The following TECRL variants were observed in gnomAD, a reference collection of about 807,000 sequenced individuals.
TECRL encodes the protein trans-2,3-enoyl-CoA reductase-like.
In TECRL, 63 loss-of-function variants were observed where a neutral mutation model predicts 52.8. That is an observed-to-expected ratio of 1.19 (90% CI 0.97 to 1.47). The LOEUF (loss-of-function observed/expected upper bound fraction) is 1.47, where lower values mean the gene tolerates loss of function less well. Among genes scored for constraint, TECRL ranks in the 40% most tolerant of loss-of-function variants. The probability of loss-of-function intolerance (pLI) is 0.00; values close to 1 mark genes in which losing one functional copy is unlikely to be tolerated. For missense variants in TECRL, 482 were observed against 429.6 expected (o/e 1.12, Z -1.08); for synonymous variants, 164 against 141.9 (o/e 1.16, Z -1.10).
chr4:64,319,514 A>G (rs1167996930), intron 4 of TECRL, among the ~76,000 whole-genome samples: 1 of 151,886 alleles, frequency 6.6e-6, no homozygotes, highest in Middle Eastern at 3.2e-3. Flanking sequence ...TGATGAAAAG[A>G]CAAGTTAAAG....
chr4:64,289,666 A>T, intron 9 of TECRL, 44 bp downstream of exon 9: 1 of 1,328,686 alleles, frequency 7.5e-7, no homozygotes, highest in African/African-American at 1.6e-5. Flanking sequence ...AATAATTGTT[A>T]ACATAATTCA....
intron 2 of TECRL, among the ~76,000 whole-genome samples, chr4:64,356,895 G>T (rs901797420): frequency 6.6e-6 from 1 of 152,094 alleles, no homozygotes; most frequent in African/African-American, 2.4e-5. Context: ...AAAGAAAGTT[G>T]GATGGAGGAG....
intron 2 of TECRL, among the ~76,000 whole-genome samples, chr4:64,339,310 C>T (rs1051041353): frequency 2.7e-4 from 41 of 149,592 alleles, no homozygotes; most frequent in African/African-American, 9.8e-4. Context: ...GGAGGGACAG[C>T]ATTAGGAGAT....
chr4:64,333,439 A>G (rs1413577122), intron 2 of TECRL, among the ~76,000 whole-genome samples: 2 of 152,206 alleles, frequency 1.3e-5, no homozygotes, highest in African/African-American at 4.8e-5. Context: ...AAGCGATGAG[A>G]TGATGAAATA....
rs1325246426 is a variant in TECRL, at chr4:64,309,944, AT to A, written c.552-14del. 6 of 1,513,858 alleles carry A rather than the reference AT, an allele frequency of 4.0e-6. No individual in the cohort carries two copies. The highest frequency in any genetic ancestry group is 1.4e-5 in the African/African-American group (1 of 71,646). 93.8% of individuals were successfully genotyped at this position (1,513,858 alleles called of 1,614,324 possible). A position where few individuals can be genotyped will look rare whatever the true frequency, so the allele number is the denominator to read the frequency against. On this transcript the variant is annotated splice_polypyrimidine_tract_variant and intron_variant, in intron 5 of 11. Coordinates refer to ENST00000381210, the MANE Select transcript of TECRL (RefSeq NM_001010874.5). Reference sequence around the variant, plus strand: ...GAAGCAAGCCAAGCTGGAAAAAAAAATAAAACATAAACATGAAAATCCTTTT... The same window carrying A: ...GAAGCAAGCCAAGCTGGAAAAAAAAAAAAACATAAACATGAAAATCCTTTT...
chr4:64,393,150 G>A (rs146058490), intron 1 of TECRL, among the ~76,000 whole-genome samples: 1,761 of 152,056 alleles, frequency 0.012, 35 homozygotes, highest in African/African-American at 0.04. Flanking sequence ...CAAAATCTGT[G>A]ATATAATTGA....
chr4:64,290,628 T>C (rs1034094903), intron 8 of TECRL, among the ~76,000 whole-genome samples: 1 of 152,154 alleles, frequency 6.6e-6, no homozygotes, highest in African/African-American at 2.4e-5. Context: ...ACCATTTCTG[T>C]ATGCATTTTT....
chr4:64,401,703 G>T (rs1281974228), intron 1 of TECRL, among the ~76,000 whole-genome samples: 1 of 152,146 alleles, frequency 6.6e-6, no homozygotes, highest in East Asian at 1.9e-4. Flanking sequence ...AGCAGGCATA[G>T]CTCTCTCAAA....
chr4:64,375,369 G>A (rs1722325685), intron 1 of TECRL, 146 bp from the exon 2 acceptor site: 1 of 439,006 alleles, frequency 2.3e-6, no homozygotes, highest in Non-Finnish European at 4.0e-6. Flanking sequence ...TTACTATTTT[G>A]ACAAGCTTGA....
At chr4:64,348,092 A>G (rs1458729181) in intron 2 of TECRL, among the ~76,000 whole-genome samples, 1 of 152,160 alleles carries the variant, frequency 6.6e-6, no homozygotes, top group East Asian at 1.9e-4. Context: ...TTACCGTAGT[A>G]GTCTGTTTTC....
chr4:64,402,827 G>A (rs1489486877), intron 1 of TECRL, among the ~76,000 whole-genome samples: 2 of 152,052 alleles, frequency 1.3e-5, no homozygotes, highest in Non-Finnish European at 2.9e-5. Flanking sequence ...CAAAAGCAAT[G>A]CCTTCCAGTG....
At chr4:64,349,700 T>C (rs1010202523) in intron 2 of TECRL, among the ~76,000 whole-genome samples, 6 of 152,192 alleles carry the variant, frequency 3.9e-5, no homozygotes, top group African/African-American at 1.4e-4. Flanking sequence ...GGAGTAAGTC[T>C]TAGGAATATA....
rs1049527543 is a variant in TECRL, at chr4:64,279,371, G to T, written c.*701C>A. 36 of 151,958 alleles carry T rather than the reference G, an allele frequency of 2.4e-4. No homozygotes were observed. The highest frequency in any genetic ancestry group is 8.2e-4 in the African/African-American group (34 of 41,370). The allele number at this position is 151,958 out of a possible 1,614,324, so 9.4% of individuals were successfully genotyped here. ...GAGCTGGAGCAACCTCGAGTAGCTG[G>T]GACTACCTACTGGCATGTGCCACCA... is the stretch of plus-strand genomic sequence containing the variant. On this transcript the variant is annotated 3_prime_UTR_variant, in exon 12 of 12. Coordinates refer to ENST00000381210, the MANE Select transcript of TECRL (RefSeq NM_001010874.5).
At chr4:64,372,879 T>G (rs1280113340) in intron 2 of TECRL, among the ~76,000 whole-genome samples, 1 of 151,714 alleles carries the variant, frequency 6.6e-6, no homozygotes, top group African/African-American at 2.4e-5. Context: ...TGTGGCTTTG[T>G]AAGTATATGA....
intron 4 of TECRL, among the ~76,000 whole-genome samples, chr4:64,320,431 T>C (rs1717822322): frequency 6.6e-6 from 1 of 152,006 alleles, no homozygotes; most frequent in Admixed American, 6.6e-5. Flanking sequence ...GTAATGTGTA[T>C]ATTTTTAGCA....
At chr4:64,304,998 G>C (rs1336387941) in intron 7 of TECRL, 168 bp downstream of exon 7, 3 of 442,668 alleles carry the variant, frequency 6.8e-6, no homozygotes, top group African/African-American at 6.0e-5. Flanking sequence ...AAATATATGA[G>C]TCAAATTGGT....
At chr4:64,397,331 T>G (rs1187896016) in intron 1 of TECRL, among the ~76,000 whole-genome samples, 2 of 152,034 alleles carry the variant, frequency 1.3e-5, no homozygotes, top group African/African-American at 2.4e-5. Flanking sequence ...TTGCCTAACC[T>G]ATGTGGCTGT....
chr4:64,348,865 A>G (rs1183953320), intron 2 of TECRL, among the ~76,000 whole-genome samples: 1 of 152,090 alleles, frequency 6.6e-6, no homozygotes, highest in Non-Finnish European at 1.5e-5. Context: ...AAAATATCCA[A>G]TGTCCACTGC....
chr4:64,323,197 C>T (rs576644605), intron 3 of TECRL, among the ~76,000 whole-genome samples: 2 of 151,812 alleles, frequency 1.3e-5, no homozygotes, highest in African/African-American at 4.8e-5. Flanking sequence ...CCCAGGAGTT[C>T]CATCTTGGTG....
Sources: allele counts gnomAD v4.1 joint callset (sites outside exome capture counted in the v4.1 genomes callset), GRCh38; gene constraint gnomAD v4.1.1; transcripts MANE v1.5; gene names NCBI Gene and HGNC (gene_info 2026-07-23, HGNC 2026-07-21).